Variants in RNLS observed in about 807,000 individuals in gnomAD.
The protein encoded by RNLS is renalase.
A neutral mutation model predicts 39.8 loss-of-function variants in RNLS; 39 were observed. The ratio of observed to expected loss-of-function variants is 0.98; its 90% CI spans 0.76 to 1.28. RNLS has a LOEUF of 1.28. Among genes scored for constraint, RNLS ranks in the 50% most tolerant of loss-of-function variants. The pLI is 0.00. For missense variants in RNLS, 410 were observed against 413.3 expected, an observed-to-expected ratio of 0.99 and a Z score of 0.07; for synonymous variants, 147 against 150.7, an observed-to-expected ratio of 0.98 and a Z score of 0.18.
chr10:88,533,370 A>C lies in RNLS; in HGVS notation c.526+39533T>G, dbSNP rs564347045. On this transcript the variant is annotated intron_variant, in intron 4 of 6. Transcript: ENST00000331772. ...ACTGAGTCTTAACAGAAACATGGAA[A>C]TACTTTCTAAAGAAAAAAACAGTGT... Among the ~76,000 whole-genome samples, 5 of 152,298 alleles carry C rather than the reference A, an allele frequency of 3.3e-5. No homozygotes were observed. The South Asian group carries it at 1.0e-3, about 32-fold the overall frequency.
chr10:88,439,823 G>T (rs1186421093), intron 4 of RNLS, among the ~76,000 whole-genome samples: 1 of 152,136 alleles, frequency 6.6e-6, no homozygotes, highest in Non-Finnish European at 1.5e-5. Flanking sequence ...TAAATTCACT[G>T]TAAGTTTCAA....
chr10:88,223,295 T>A, the RNLS span, among the ~76,000 whole-genome samples: 3 of 152,356 alleles, frequency 2.0e-5, no homozygotes, highest in East Asian at 3.9e-4. Context: ...AAGGGACTTT[T>A]ATTTTCCCCA....
chr10:88,354,575 G>A lies in RNLS; in HGVS notation c.700+7977C>T, dbSNP rs1031402494. Among the ~76,000 whole-genome samples the A allele has an allele frequency of 6.6e-5, 10 of 152,104 alleles. No homozygotes were observed. In the East Asian group the frequency reaches 7.7e-4, roughly 12 times the overall value. ...TCTCTTCTGGCTTGTAATTTCTGCC[G>A]AGAGATCAGCTGTTAGTCTGATGGG... On this transcript the variant is annotated intron_variant, in intron 5 of 6. Coordinates refer to ENST00000331772, the MANE Select transcript of RNLS (RefSeq NM_001031709.3).
intron 4 of RNLS, among the ~76,000 whole-genome samples, chr10:88,480,570 C>A (rs1448428421): frequency 6.6e-6 from 1 of 152,148 alleles, no homozygotes; most frequent in Non-Finnish European, 1.5e-5. Context: ...TACAGGCATG[C>A]GTCACCACGC....
chr10:88,190,754 C>T, the RNLS span, among the ~76,000 whole-genome samples: 6 of 152,298 alleles, frequency 3.9e-5, no homozygotes, highest in East Asian at 1.2e-3. Context: ...CACATCTGTG[C>T]TTGCTTATTT....
chr10:88,203,355 T>TATAC, the RNLS span, among the ~76,000 whole-genome samples: 6 of 9,260 alleles, frequency 6.5e-4, 2 homozygotes, highest in Non-Finnish European at 1.3e-3. Context: ...TGTATATATA[T>TATAC]ACGTATGTGT....
At chr10:88,383,260 A>G (rs1851660498) in intron 4 of RNLS, among the ~76,000 whole-genome samples, 1 of 152,074 alleles carries the variant, frequency 6.6e-6, no homozygotes, top group Admixed American at 6.6e-5. Context: ...CAAGATTGAA[A>G]TTTTTATGAA....
chr10:88,279,319 A>G (rs1363889818), downstream of RNLS, among the ~76,000 whole-genome samples: 1 of 152,200 alleles, frequency 6.6e-6, no homozygotes, highest in East Asian at 1.9e-4. Context: ...ATATTTTACT[A>G]TTATAATAGT....
At chr10:88,481,365 T>C (rs968121046) in intron 4 of RNLS, among the ~76,000 whole-genome samples, 14 of 152,180 alleles carry the variant, frequency 9.2e-5, no homozygotes, top group African/African-American at 2.9e-4. Context: ...TCTAAGCCTC[T>C]TGTGTTTTTT....
chr10:88,542,733 T>C (rs1848111878), intron 4 of RNLS, among the ~76,000 whole-genome samples: 1 of 152,130 alleles, frequency 6.6e-6, no homozygotes, highest in Non-Finnish European at 1.5e-5. Context: ...GCACCGATAA[T>C]AGATGCTAAA....
At chr10:88,294,310 A>T (rs898530614) in intron 6 of RNLS, among the ~76,000 whole-genome samples, 1 of 152,218 alleles carries the variant, frequency 6.6e-6, no homozygotes, top group Admixed American at 6.5e-5. Context: ...ACCTATTTGC[A>T]TATAGGAAAC....
At chr10:88,475,302 T>C (rs540573078) in intron 4 of RNLS, among the ~76,000 whole-genome samples, 1 of 152,240 alleles carries the variant, frequency 6.6e-6, no homozygotes, top group South Asian at 2.1e-4. Flanking sequence ...GTTATCAAAC[T>C]CAAGAGAAAG....
chr10:88,433,723 C>T (rs958402611), intron 4 of RNLS, among the ~76,000 whole-genome samples: 1 of 151,900 alleles, frequency 6.6e-6, no homozygotes, highest in Non-Finnish European at 1.5e-5. Flanking sequence ...TTAGATCAAA[C>T]CTGTTTTTTC....
At chr10:88,291,727 A>G (rs1370072624) in intron 6 of RNLS, among the ~76,000 whole-genome samples, 1 of 152,170 alleles carries the variant, frequency 6.6e-6, no homozygotes, top group East Asian at 1.9e-4. Flanking sequence ...CTTTCCCATT[A>G]AATTACTATA....
chr10:88,185,898 T>C, the RNLS span, among the ~76,000 whole-genome samples: 1 of 152,176 alleles, frequency 6.6e-6, no homozygotes, highest in Non-Finnish European at 1.5e-5. Flanking sequence ...CTCCTAGTCT[T>C]GATTTTACTA....
intron 6 of RNLS, among the ~76,000 whole-genome samples, chr10:88,306,342 G>C (rs1844912236): frequency 6.6e-6 from 1 of 152,100 alleles, no homozygotes; most frequent in Non-Finnish European, 1.5e-5. Context: ...TGAACTGAAA[G>C]AGATTGAGAC....
intron 4 of RNLS, among the ~76,000 whole-genome samples, chr10:88,539,180 A>G (rs552970980): frequency 2.0e-5 from 3 of 152,310 alleles, no homozygotes; most frequent in African/African-American, 7.2e-5. Flanking sequence ...TATTATCTGC[A>G]TAACTAGGCA....
At chr10:88,459,096 CTTTTTTCTTTTTT>C (rs1842799419) in intron 4 of RNLS, among the ~76,000 whole-genome samples, 1 of 106,786 alleles carries the variant, frequency 9.4e-6, no homozygotes, top group Non-Finnish European at 1.8e-5. Context: ...CTAGCTTTTT[CTTTTTTCTTTTTT>C]TTTTTTTTGA....
chr10:88,429,300 G>A (rs1228229481), intron 4 of RNLS, among the ~76,000 whole-genome samples: 2 of 151,880 alleles, frequency 1.3e-5, no homozygotes, highest in Non-Finnish European at 2.9e-5. Context: ...TAATCAAGAT[G>A]ATATATAGAA....
Sources: allele counts gnomAD v4.1 joint callset (sites outside exome capture counted in the v4.1 genomes callset), GRCh38; gene constraint gnomAD v4.1.1; transcripts MANE v1.5; gene names NCBI Gene and HGNC (gene_info 2026-07-23, HGNC 2026-07-21).